PKIB: variants seen among roughly 807,000 people sequenced by gnomAD.
PKIB encodes the protein PKI-beta.
Under a neutral mutation model 4.5 loss-of-function variants are expected in PKIB, and 2 were observed. That is an observed-to-expected ratio of 0.44 (90% CI 0.18 to 1.39). The LOEUF is 1.39. Among genes scored for constraint, PKIB ranks in the 40% most tolerant of loss-of-function variants. PKIB has a pLI of 0.27. For missense variants in PKIB, 94 were observed against 92.6 expected (o/e 1.02, Z -0.06); for synonymous variants, 38 against 36.0 (o/e 1.06, Z -0.20).
chr6:122,587,536 A>G (rs895858175), intron 3 of PKIB, among the ~76,000 whole-genome samples: 5 of 152,218 alleles, frequency 3.3e-5, no homozygotes, highest in Non-Finnish European at 5.9e-5. Context: ...CTTTGGGTAT[A>G]TACCCAGTAA....
intron 2 of PKIB, among the ~76,000 whole-genome samples, chr6:122,634,953 A>G (rs1216345249): frequency 2.0e-5 from 3 of 152,006 alleles, no homozygotes; most frequent in Non-Finnish European, 4.4e-5. Flanking sequence ...AAGAAAAAAA[A>G]AAAAAGAATA....
At chr6:122,495,883 G>A (rs1302512423) in intron 2 of PKIB, among the ~76,000 whole-genome samples, 1 of 152,132 alleles carries the variant, frequency 6.6e-6, no homozygotes, top group Non-Finnish European at 1.5e-5. Context: ...TTGTGGTCCA[G>A]AGTGGTCCAG....
chr6:122,606,806 T>C (rs1774553515), upstream of PKIB, among the ~76,000 whole-genome samples: 1 of 152,062 alleles, frequency 6.6e-6, no homozygotes, highest in South Asian at 2.1e-4. Flanking sequence ...TACTGTCCAC[T>C]TCTTCTGCCC....
chr6:122,528,916 A>G (rs940020390), intron 2 of PKIB, among the ~76,000 whole-genome samples: 10 of 152,062 alleles, frequency 6.6e-5, no homozygotes, highest in Admixed American at 1.3e-4. Context: ...AAAAGACACA[A>G]TTCTCATGAC....
chr6:122,610,848 C>A (rs1449209494), intron 1 of PKIB, among the ~76,000 whole-genome samples: 1 of 152,106 alleles, frequency 6.6e-6, no homozygotes, highest in Non-Finnish European at 1.5e-5. Context: ...CCATTGATGA[C>A]CTCCTGTCAC....
intron 2 of PKIB, among the ~76,000 whole-genome samples, chr6:122,502,250 A>G (rs1776262747): frequency 6.6e-6 from 1 of 152,006 alleles, no homozygotes; most frequent in Admixed American, 6.6e-5. Flanking sequence ...ATTTCTGCCC[A>G]TTACATAGTT....
upstream of PKIB, among the ~76,000 whole-genome samples, chr6:122,608,971 T>C (rs1363226893): frequency 6.6e-6 from 1 of 151,882 alleles, no homozygotes; most frequent in Non-Finnish European, 1.5e-5. Flanking sequence ...AAATATATGT[T>C]ATTATATAAT....
At chr6:122,578,555 T>C (rs746272794) in intron 2 of PKIB, among the ~76,000 whole-genome samples, 18 of 152,172 alleles carry the variant, frequency 1.2e-4, no homozygotes, top group Non-Finnish European at 2.4e-4. Flanking sequence ...TTTGCCTAGT[T>C]GTGCAGGTTC....
chr6:122,523,846 C>T (rs117605791), intron 2 of PKIB, among the ~76,000 whole-genome samples: 2 of 151,874 alleles, frequency 1.3e-5, no homozygotes, highest in Non-Finnish European at 2.9e-5. Context: ...GTAAGATGTG[C>T]CTTTGCTTCT....
At chr6:122,677,974 C>G (rs1777752897) in intron 3 of PKIB, among the ~76,000 whole-genome samples, 1 of 151,820 alleles carries the variant, frequency 6.6e-6, no homozygotes, top group Non-Finnish European at 1.5e-5. Flanking sequence ...GTGGCGAGAT[C>G]TCGGCTCACT....
chr6:122,585,702 T>C (rs1481586099), intron 2 of PKIB: 1 of 152,128 alleles, frequency 6.6e-6, no homozygotes, highest in Non-Finnish European at 1.5e-5. Context: ...AAACCTAATT[T>C]CTTTACTTCT....
intron 1 of PKIB, among the ~76,000 whole-genome samples, chr6:122,611,330 CG>C (rs1774746695): frequency 6.6e-6 from 1 of 152,118 alleles, no homozygotes; most frequent in South Asian, 2.1e-4. Context: ...TAGAGCTCCC[CG>C]GGGAACGCAG....
chr6:122,616,731 G>A (rs1220932660), intron 1 of PKIB, among the ~76,000 whole-genome samples: 1 of 151,624 alleles, frequency 6.6e-6, no homozygotes, highest in Non-Finnish European at 1.5e-5. Context: ...TCTTTCTATG[G>A]AAATAACTGT....
intron 2 of PKIB, among the ~76,000 whole-genome samples, chr6:122,507,136 A>G (rs961546831): frequency 1.3e-5 from 2 of 152,142 alleles, no homozygotes; most frequent in African/African-American, 2.4e-5. Flanking sequence ...AAAATAAATG[A>G]TAGAGTACTG....
chr6:122,547,766 C>A (rs761311387), intron 2 of PKIB, among the ~76,000 whole-genome samples: 1 of 139,646 alleles, frequency 7.2e-6, no homozygotes, highest in East Asian at 2.3e-4. Flanking sequence ...ATATGCACAG[C>A]ATCAGCAGGA....
In PKIB at chr6:122,560,981, T is replaced by C. The variant is rs184326473; in HGVS notation, c.-247-24940T>C. Among the ~76,000 whole-genome samples the C allele has an allele frequency of 9.3e-3, 1,415 of 152,216 alleles. 7 individuals carry two copies. Among genetic ancestry groups the C allele is most frequent in the Non-Finnish European group, 0.015 (1,043 of 67,998 alleles). On this transcript the variant is annotated intron_variant, in intron 2 of 6. Transcript: ENST00000392491. ...TGGTCTATCAATTTTATTTATCTTT[T>C]CAAAGAACCAGCTTTTTGTTTCATT... is the stretch of plus-strand genomic sequence containing the variant.
At chr6:122,655,920 G>C (rs562501066) in intron 2 of PKIB, among the ~76,000 whole-genome samples, 31 of 152,180 alleles carry the variant, frequency 2.0e-4, no homozygotes, top group Non-Finnish European at 4.1e-4. Flanking sequence ...CAGCTCTAGA[G>C]CTTTGAAACA....
In PKIB at chr6:122,720,804, C is replaced by T. The variant is rs182694357; in HGVS notation, c.169+2841C>T. Among the ~76,000 whole-genome samples, 35 of 151,894 alleles carry T rather than the reference C, an allele frequency of 2.3e-4. No individual in the cohort carries two copies. In the East Asian group the frequency reaches 5.1e-3, roughly 22 times the overall value. On this transcript the variant is annotated intron_variant, in intron 4 of 4. Transcript: ENST00000368452. ...TCAACCTCTGCCTCCCGGTTTCAAG[C>T]GATTCTCCTGTCTCAGCCTCCTGAG...
intron 2 of PKIB, among the ~76,000 whole-genome samples, chr6:122,562,019 T>TG (rs1311283165): frequency 7.3e-6 from 1 of 136,566 alleles, no homozygotes; most frequent in Non-Finnish European, 1.6e-5. Flanking sequence ...TTTTTTTTTT[T>TG]GCTTTTTAAC....
Sources: allele counts gnomAD v4.1 joint callset (sites outside exome capture counted in the v4.1 genomes callset), GRCh38; gene constraint gnomAD v4.1.1; transcripts MANE v1.5; gene names NCBI Gene and HGNC (gene_info 2026-07-23, HGNC 2026-07-21).